TTLL11: variants seen among roughly 807,000 people sequenced by gnomAD.
TTLL11 encodes the protein tubulin polyglutamylase TTLL11.
In TTLL11, 42 loss-of-function variants were observed where a neutral mutation model predicts 51.7. The ratio of observed to expected loss-of-function variants is 0.81; its 90% CI spans 0.64 to 1.05. TTLL11 has a LOEUF of 1.05. Ranked by LOEUF, TTLL11 falls within the 50% of genes least tolerant of loss-of-function variation. The pLI is 0.00. For missense variants in TTLL11, 799 were observed against 940.4 expected, an observed-to-expected ratio of 0.85 and a Z score of 1.97; for synonymous variants, 381 against 383.5, an observed-to-expected ratio of 0.99 and a Z score of 0.08.
intron 8 of TTLL11, among the ~76,000 whole-genome samples, chr9:121,833,441 A>G (rs1192747820): frequency 6.6e-6 from 1 of 152,224 alleles, no homozygotes; most frequent in Admixed American, 6.5e-5. Context: ...CTGCTCACCA[A>G]TAATCTCATC....
Position 121,989,474 on chromosome 9 carries a change from G to A in TTLL11, c.990C>T (p.Pro330=), listed in dbSNP as rs1843040423. 1.9e-6 allele frequency: 3 copies of A among 1,614,134 alleles called. No individual in the cohort carries two copies. The highest frequency in any genetic ancestry group is 1.3e-5 in the African/African-American group (1 of 75,028). Residue 330 remains proline (P), a synonymous_variant, in exon 4 of 9, where the codon CCC becomes CCT. Transcript: ENST00000321582. The surrounding 1 kb of genome is among the most constrained non-coding windows in gnomAD (Gnocchi z 4.2). ...SRFCTEPYQE[P]TPKNLHRIFM... is the part of the protein sequence containing the mutation. ...AGATGCGGTGCAGGTTTTTGGGGGT[G>A]GGCTCCTGATATGGCTCGGTACAAA...
At chr9:122,030,190 G>A (rs955010112) in intron 3 of TTLL11, among the ~76,000 whole-genome samples, 3 of 120,326 alleles carry the variant, frequency 2.5e-5, no homozygotes, top group African/African-American at 9.5e-5. Context: ...CAGAGCCACA[G>A]AAGAGAGACA....
intron 6 of TTLL11, among the ~76,000 whole-genome samples, chr9:121,958,260 C>T (rs1392421587): frequency 1.3e-5 from 2 of 152,228 alleles, no homozygotes; most frequent in Admixed American, 1.3e-4. Context: ...TCAGTCAACC[C>T]TTATCATTTC....
At chr9:121,980,837 A>G (rs1842810883) in intron 4 of TTLL11, among the ~76,000 whole-genome samples, 1 of 152,240 alleles carries the variant, frequency 6.6e-6, no homozygotes, top group South Asian at 2.1e-4. Flanking sequence ...GCCATAAAAA[A>G]GGGAGGCCTT....
At chr9:121,952,440 G>A (rs1000912678) in intron 6 of TTLL11, among the ~76,000 whole-genome samples, 9 of 44,004 alleles carry the variant, frequency 2.0e-4, no homozygotes, top group African/African-American at 2.0e-4. Flanking sequence ...GCAAGACTCC[G>A]CCTCAAAAAA....
intron 3 of TTLL11, among the ~76,000 whole-genome samples, chr9:122,003,883 C>G (rs1007838547): frequency 6.6e-6 from 1 of 150,444 alleles, no homozygotes; most frequent in Non-Finnish European, 1.5e-5. Flanking sequence ...TTTGGGAGGC[C>G]GAGGTGGGTG....
At chr9:122,035,896 T>G (rs185494547) in intron 2 of TTLL11, among the ~76,000 whole-genome samples, 31 of 152,220 alleles carry the variant, frequency 2.0e-4, no homozygotes, top group Admixed American at 1.8e-3. Flanking sequence ...CCTGCCCTGC[T>G]CACCTGACGC....
intron 7 of TTLL11, among the ~76,000 whole-genome samples, chr9:121,861,087 G>GTT (rs11310991): frequency 1.4e-4 from 18 of 130,990 alleles, no homozygotes; most frequent in South Asian, 2.5e-4. Flanking sequence ...CAAGGCAAGT[G>GTT]TTTTTTTTTT....
At chr9:121,958,575 T>C (rs1206422445) in intron 6 of TTLL11, among the ~76,000 whole-genome samples, 1 of 152,150 alleles carries the variant, frequency 6.6e-6, no homozygotes, top group African/African-American at 2.4e-5. Context: ...ACAGAGGTCA[T>C]GGTGTATAGA....
chr9:122,020,647 C>A (rs116057382), intron 3 of TTLL11, among the ~76,000 whole-genome samples: 2 of 152,324 alleles, frequency 1.3e-5, no homozygotes, highest in South Asian at 4.1e-4. Flanking sequence ...GATATTGAAA[C>A]CCTAACCCCC....
intron 2 of TTLL11, among the ~76,000 whole-genome samples, chr9:122,036,963 C>T (rs536252753): frequency 3.9e-5 from 6 of 152,120 alleles, no homozygotes; most frequent in South Asian, 4.1e-4. Flanking sequence ...TTCCAATCAC[C>T]GGCATGTGGA....
chr9:122,081,980 G>A (rs528777049), intron 1 of TTLL11, among the ~76,000 whole-genome samples: 1 of 152,286 alleles, frequency 6.6e-6, no homozygotes, highest in East Asian at 1.9e-4. Flanking sequence ...TAACCTTGTT[G>A]ACAATCAGAG....
In TTLL11 at chr9:121,973,675, A is replaced by G. The variant is rs567621245; in HGVS notation, c.1481+334T>C. Among the ~76,000 whole-genome samples the G allele has an allele frequency of 2.0e-5, 3 of 152,314 alleles. No individual in the cohort carries two copies. In the East Asian group the frequency reaches 5.8e-4, roughly 29 times the overall value. ...GAGTTAATGGGTGCAGCACACCAAC[A>G]TGGCACATGTATACATATGTAACAA... On this transcript the variant is annotated intron_variant, in intron 6 of 8. Coordinates refer to ENST00000321582, the MANE Select transcript of TTLL11 (RefSeq NM_001139442.2).
At chr9:122,029,312 G>T (rs2131801989) in intron 3 of TTLL11, among the ~76,000 whole-genome samples, 1 of 152,222 alleles carries the variant, frequency 6.6e-6, no homozygotes, top group East Asian at 1.9e-4. Flanking sequence ...CCTCAGGCAG[G>T]TTCTTCAGGA....
intron 1 of TTLL11, among the ~76,000 whole-genome samples, chr9:122,056,311 T>A (rs1020770264): frequency 3.9e-5 from 6 of 152,172 alleles, no homozygotes; most frequent in African/African-American, 1.4e-4. Context: ...ATTAATATTG[T>A]ACCAATAATT....
chr9:121,987,661 G>A (rs1010705078), intron 4 of TTLL11, among the ~76,000 whole-genome samples: 6 of 152,114 alleles, frequency 3.9e-5, no homozygotes, highest in East Asian at 1.9e-4. Flanking sequence ...CATTTGAAGC[G>A]CTGACCCTGT....
At chr9:122,012,078 A>T (rs1184712008) in intron 3 of TTLL11, among the ~76,000 whole-genome samples, 1 of 152,222 alleles carries the variant, frequency 6.6e-6, no homozygotes, top group Non-Finnish European at 1.5e-5. Flanking sequence ...CCAAGATACA[A>T]TTACACAGAA....
intron 3 of TTLL11, among the ~76,000 whole-genome samples, chr9:122,030,119 G>T (rs1321036307): frequency 6.9e-6 from 1 of 145,760 alleles, no homozygotes; most frequent in Non-Finnish European, 1.5e-5. Flanking sequence ...AGTGACTCAT[G>T]ACTGTAGTTG....
chr9:122,057,541 G>GGTCTCGAACTCCTGGCCTCAAGTGATCC (rs1373841248), intron 1 of TTLL11, among the ~76,000 whole-genome samples: 5 of 151,974 alleles, frequency 3.3e-5, no homozygotes, highest in African/African-American at 1.2e-4. Flanking sequence ...TGGCCGGGGT[G>GGTCTCGAACTCCTGGCCTCAAGTGATCC]GTCTCGAACT....
Sources: allele counts gnomAD v4.1 joint callset (sites outside exome capture counted in the v4.1 genomes callset), GRCh38; gene constraint gnomAD v4.1.1; non-coding constraint Gnocchi (gnomAD v3.1); transcripts MANE v1.5; gene names NCBI Gene and HGNC (gene_info 2026-07-23, HGNC 2026-07-21).